HPSE2: variants seen among roughly 807,000 people sequenced by gnomAD.
HPSE2 encodes inactive heparanase-2.
In HPSE2, 38 loss-of-function variants were observed where a neutral mutation model predicts 60.5. The ratio of observed to expected loss-of-function variants is 0.63; its 90% confidence interval spans 0.48 to 0.82. The LOEUF (loss-of-function observed/expected upper bound fraction) is 0.82, where lower values mean the gene tolerates loss of function less well. Among genes scored for constraint, HPSE2 ranks in the 40% least tolerant of loss-of-function variants. The pLI, the probability that HPSE2 is intolerant of heterozygous loss-of-function variation, is 0.00. For missense variants in HPSE2, 713 were observed against 740.4 expected (o/e 0.96, Z 0.43); for synonymous variants, 295 against 293.2 (o/e 1.01, Z -0.06).
chr10:99,210,437 T>C (rs566900358), intron 2 of HPSE2, among the ~76,000 whole-genome samples: 2 of 152,306 alleles, frequency 1.3e-5, no homozygotes, highest in African/African-American at 4.8e-5. Flanking sequence ...AGAATTACCT[T>C]GATACAAAAG....
At chr10:99,141,854 A>T (rs1845877180) in intron 3 of HPSE2, among the ~76,000 whole-genome samples, 1 of 152,226 alleles carries the variant, frequency 6.6e-6, no homozygotes, top group African/African-American at 2.4e-5. Flanking sequence ...TAACCATCTG[A>T]CACTTGAATC....
intron 3 of HPSE2, among the ~76,000 whole-genome samples, chr10:98,985,723 C>T (rs973304404): frequency 1.3e-4 from 20 of 152,112 alleles, no homozygotes; most frequent in African/African-American, 4.6e-4. Flanking sequence ...AAACACCCAT[C>T]AGTGTGCTAT....
intron 6 of HPSE2, among the ~76,000 whole-genome samples, chr10:98,664,248 A>G (rs1947300332): frequency 1.3e-5 from 2 of 151,932 alleles, no homozygotes; most frequent in Non-Finnish European, 2.9e-5. Flanking sequence ...TACCCTGGTA[A>G]ACACCCAGAT....
chr10:99,066,327 A>G (rs1192116503), intron 3 of HPSE2, among the ~76,000 whole-genome samples: 4 of 152,240 alleles, frequency 2.6e-5, no homozygotes, highest in African/African-American at 9.6e-5. Flanking sequence ...AAGATCTCTC[A>G]AATAAGTGAC....
intron 3 of HPSE2, among the ~76,000 whole-genome samples, chr10:98,883,021 C>A (rs1019327152): frequency 6.6e-6 from 1 of 151,950 alleles, no homozygotes; most frequent in Admixed American, 6.6e-5. Flanking sequence ...GTCCTGTGAT[C>A]AATGTTTAAA....
At chr10:99,172,238 C>T (rs1847339791) in intron 2 of HPSE2, among the ~76,000 whole-genome samples, 1 of 152,128 alleles carries the variant, frequency 6.6e-6, no homozygotes, top group Non-Finnish European at 1.5e-5. Context: ...TTGAAAACAT[C>T]TGAATTTTTT....
intron 7 of HPSE2, among the ~76,000 whole-genome samples, chr10:98,622,920 T>C (rs1278878853): frequency 6.6e-6 from 1 of 151,898 alleles, no homozygotes. Flanking sequence ...AAAAGACACA[T>C]CCATATGGCC....
chr10:99,187,886 G>C (rs888267244), intron 2 of HPSE2, among the ~76,000 whole-genome samples: 4 of 152,078 alleles, frequency 2.6e-5, no homozygotes, highest in Non-Finnish European at 4.4e-5. Context: ...ACCACTCCTA[G>C]GTATTTGCTC....
chr10:98,899,758 C>CTTTTTTTTTTTTTTTTTTTTTTTTTT (rs61080994), intron 3 of HPSE2, among the ~76,000 whole-genome samples: 1 of 118,370 alleles, frequency 8.4e-6, no homozygotes, highest in Non-Finnish European at 1.7e-5. Context: ...TTGGCAGTGT[C>CTTTTTTTTTTTTTTTTTTTTTTTTTT]TTTTTTTTTT....
intron 3 of HPSE2, among the ~76,000 whole-genome samples, chr10:99,031,309 T>TA (rs1957493468): frequency 6.6e-6 from 1 of 152,190 alleles, no homozygotes; most frequent in South Asian, 2.1e-4. Flanking sequence ...ATGTTTAATG[T>TA]GAAGAATTTT....
At position 99,177,306 on chromosome 10, in the gene HPSE2, C is replaced by A. The variant is rs558434074; in HGVS notation, c.449-32907G>T. Among the ~76,000 whole-genome samples the A allele has an allele frequency of 1.6e-4, 24 of 152,108 alleles. No individual in the cohort carries two copies. The South Asian group carries it at 4.8e-3, about 30-fold the overall frequency. On this transcript the variant is annotated intron_variant, in intron 2 of 11. Coordinates refer to ENST00000370552, the MANE Select transcript of HPSE2 (RefSeq NM_021828.5). ...TTAAATGTAAATGAGCTGAATACCC[C>A]AGTTAAAAGACACAGACTGGCAAAC...
At chr10:99,169,361 CG>C (rs969916959) in intron 2 of HPSE2, among the ~76,000 whole-genome samples, 1 of 150,934 alleles carries the variant, frequency 6.6e-6, no homozygotes, top group African/African-American at 2.4e-5. Context: ...AAAAATTAGC[CG>C]GGCGTGGTGG....
intron 5 of HPSE2, among the ~76,000 whole-genome samples, chr10:98,717,387 C>T (rs1948817432): frequency 6.6e-6 from 1 of 152,090 alleles, no homozygotes; most frequent in South Asian, 2.1e-4. Context: ...CACACCTTGG[C>T]TAACTGTTTG....
intron 9 of HPSE2, among the ~76,000 whole-genome samples, chr10:98,510,850 C>T (rs146821264): frequency 3.5e-3 from 528 of 152,028 alleles, no homozygotes; most frequent in Non-Finnish European, 5.9e-3. Context: ...ATGAGGCTGA[C>T]TAAAGTATCA....
intron 2 of HPSE2, among the ~76,000 whole-genome samples, chr10:99,178,437 G>C (rs1185827730): frequency 6.6e-6 from 1 of 151,796 alleles, no homozygotes; most frequent in Non-Finnish European, 1.5e-5. Context: ...ATAAAGGGGA[G>C]ATCACCACTG....
intron 3 of HPSE2, among the ~76,000 whole-genome samples, chr10:99,102,308 C>T (rs1286307804): frequency 2.6e-5 from 4 of 151,918 alleles, no homozygotes; most frequent in African/African-American, 4.8e-5. Context: ...ATATCACCAC[C>T]GATCCCACAG....
Position 98,958,745 on chromosome 10 carries a change from T to C in HPSE2, c.610+185493A>G, listed in dbSNP as rs542303401. 3.1e-4 allele frequency among the ~76,000 whole-genome samples: 47 copies of C among 152,250 alleles called. 1 individual carries two copies. The South Asian group carries it at 9.1e-3, about 30-fold the overall frequency. On this transcript the variant is annotated intron_variant, in intron 3 of 11. Transcript: ENST00000370552. The stretch of plus-strand genomic sequence containing the variant: ...GCTTCTTATGCTTATATGATACTTA[T>C]ATGCCACATGGGGTAGGAAGGACAA...
At chr10:98,984,797 G>C (rs533965258) in intron 3 of HPSE2, among the ~76,000 whole-genome samples, 16 of 152,324 alleles carry the variant, frequency 1.1e-4, no homozygotes, top group African/African-American at 3.6e-4. Context: ...AGTCCTTAAA[G>C]GACCTGATGG....
At chr10:98,682,793 A>G (rs1337992590) in intron 6 of HPSE2, among the ~76,000 whole-genome samples, 5 of 152,194 alleles carry the variant, frequency 3.3e-5, no homozygotes, top group Non-Finnish European at 5.9e-5. Flanking sequence ...GGAGTCCTTA[A>G]TATTTTTAAA....
Sources: gnomAD v4.1 joint callset for allele counts (sites outside exome capture counted in the v4.1 genomes callset) on GRCh38, gnomAD v4.1.1 for gene constraint, MANE v1.5 for transcripts, NCBI Gene and HGNC (gene_info 2026-07-23, HGNC 2026-07-21) for gene names.